Variants in GBE1 observed in about 807,000 individuals in gnomAD.
GBE1 encodes the protein 1,4-alpha-glucan branching enzyme 1, also known as 1,4-alpha-glucan-branching enzyme.
In GBE1, 70 loss-of-function variants were observed where a neutral mutation model predicts 88.8. That is an observed-to-expected ratio of 0.79 (90% confidence interval 0.65 to 0.96). GBE1 has a LOEUF of 0.96. Ranked by LOEUF, GBE1 falls within the 40% of genes least tolerant of loss-of-function variation. The pLI is 0.00. For missense variants in GBE1, 872 were observed against 871.0 expected (o/e 1.00, Z -0.01); for synonymous variants, 284 against 300.1 (o/e 0.95, Z 0.56).
intron 14 of GBE1, among the ~76,000 whole-genome samples, chr3:81,511,515 G>A (rs1702725264): frequency 6.6e-6 from 1 of 151,832 alleles, no homozygotes. Context: ...ATTAGAAAAT[G>A]GGCAAAAGAC....
chr3:81,530,203 C>T (rs1346755149), intron 14 of GBE1, among the ~76,000 whole-genome samples: 1 of 151,632 alleles, frequency 6.6e-6, no homozygotes, highest in Non-Finnish European at 1.5e-5. Flanking sequence ...TTAAATTCAT[C>T]TGATAGAATT....
At chr3:81,653,767 A>C (rs1704887040) in intron 3 of GBE1, among the ~76,000 whole-genome samples, 1 of 152,224 alleles carries the variant, frequency 6.6e-6, no homozygotes, top group Admixed American at 6.5e-5. Context: ...AAAAACTCAC[A>C]GCCTAAAGTA....
At chr3:81,702,562 C>T (rs1705715324) in intron 2 of GBE1, among the ~76,000 whole-genome samples, 1 of 151,856 alleles carries the variant, frequency 6.6e-6, no homozygotes, top group African/African-American at 2.4e-5. Context: ...AAAATAAAGG[C>T]CCACCGATTA....
intron 14 of GBE1, among the ~76,000 whole-genome samples, chr3:81,501,499 T>A (rs1279766723): frequency 6.6e-6 from 1 of 152,076 alleles, no homozygotes; most frequent in Non-Finnish European, 1.5e-5. Flanking sequence ...AAGTGGCATA[T>A]TTTGGGGTAG....
intron 1 of GBE1, among the ~76,000 whole-genome samples, chr3:81,716,138 A>G (rs1242024803): frequency 6.6e-6 from 1 of 152,170 alleles, no homozygotes. Flanking sequence ...TTAAGAAAAA[A>G]TTGTTAGTGT....
intron 1 of GBE1, among the ~76,000 whole-genome samples, chr3:81,737,375 A>T (rs1437109476): frequency 2.9e-4 from 10 of 35,004 alleles, no homozygotes; most frequent in African/African-American, 1.1e-3. Flanking sequence ...ATTTATATAT[A>T]TTTTTATATA....
intron 9 of GBE1, among the ~76,000 whole-genome samples, chr3:81,589,966 G>T (rs1232452425): frequency 6.6e-6 from 1 of 151,918 alleles, no homozygotes. Context: ...AAAATACTGG[G>T]TGTCTAAATT....
intron 1 of GBE1, among the ~76,000 whole-genome samples, chr3:81,713,913 C>A (rs1239194173): frequency 6.6e-6 from 1 of 152,040 alleles, no homozygotes. Flanking sequence ...ACTGTATATC[C>A]AGTACTATGC....
chr3:81,577,820 T>C (rs1472676438), intron 12 of GBE1, 105 bp downstream of exon 12: 1 of 880,482 alleles, frequency 1.1e-6, no homozygotes, highest in Non-Finnish European at 1.7e-6. Flanking sequence ...GTTGTAATTT[T>C]ATATTCTAAA....
At chr3:81,603,326 A>G (rs1423653669) in intron 7 of GBE1, among the ~76,000 whole-genome samples, 1 of 152,284 alleles carries the variant, frequency 6.6e-6, no homozygotes, top group Non-Finnish European at 1.5e-5. Flanking sequence ...AAAATTAAGC[A>G]TTTGTAATAT....
chr3:81,673,950 A>G (rs537384758), intron 2 of GBE1, among the ~76,000 whole-genome samples: 2 of 152,032 alleles, frequency 1.3e-5, no homozygotes, highest in East Asian at 1.9e-4. Flanking sequence ...AAAATCCAGT[A>G]CATTAGCCAT....
At chr3:81,612,972 G>A (rs1704202425) in intron 7 of GBE1, 1 of 417,830 alleles carries the variant, frequency 2.4e-6, no homozygotes, top group South Asian at 2.2e-5. Context: ...TGACGCAAAG[G>A]AGGAAGGATT....
chr3:81,609,119 T>G (rs531642876), intron 7 of GBE1, among the ~76,000 whole-genome samples: 2 of 152,312 alleles, frequency 1.3e-5, no homozygotes, highest in East Asian at 3.9e-4. Flanking sequence ...ATTTCTTTCC[T>G]CCTGGCATAA....
chr3:81,596,807 T>A (rs1703962910), intron 7 of GBE1, among the ~76,000 whole-genome samples: 1 of 151,918 alleles, frequency 6.6e-6, no homozygotes, highest in Non-Finnish European at 1.5e-5. Context: ...AGCAGTCACA[T>A]GGAGAATGAA....
At position 81,578,126 on chromosome 3, in the gene GBE1, GA is replaced by G. The variant is rs11376242; in HGVS notation, c.1447-31del. The G allele has an allele frequency of 1.8e-3, 2,521 of 1,385,816 alleles. No homozygotes were observed. Among genetic ancestry groups the G allele is most frequent in the Admixed American group, 4.1e-3 (154 of 37,150 alleles). The allele number at this position is 1,385,816 out of a possible 1,614,324, so 85.8% of individuals were successfully genotyped here. A position where few individuals can be genotyped will look rare whatever the true frequency, so the allele number is the denominator to read the frequency against. On this transcript the variant is annotated intron_variant, in intron 11 of 15. Transcript: ENST00000429644. ...AGAAATAAAAGTAATGGAGATAAAT[GA>G]AAAAAAAAAGTGCTAAGTAGTTGTG...
chr3:81,726,802 G>A (rs545000195), intron 1 of GBE1, among the ~76,000 whole-genome samples: 2 of 152,022 alleles, frequency 1.3e-5, no homozygotes, highest in East Asian at 1.9e-4. Flanking sequence ...GGCTGGTCTC[G>A]GACTCCTGAC....
chr3:81,712,485 C>T (rs1354544640), intron 1 of GBE1, among the ~76,000 whole-genome samples: 1 of 152,074 alleles, frequency 6.6e-6, no homozygotes, highest in Non-Finnish European at 1.5e-5. Context: ...AGGATGAGTT[C>T]GTGTCCCTTG....
At chr3:81,526,500 G>A (rs950060940) in intron 14 of GBE1, among the ~76,000 whole-genome samples, 4 of 152,096 alleles carry the variant, frequency 2.6e-5, no homozygotes, top group Non-Finnish European at 4.4e-5. Context: ...ATCTCCTGAA[G>A]CTGATAAGCA....
At chr3:81,707,443 T>C (rs1409516034) in intron 1 of GBE1, among the ~76,000 whole-genome samples, 3 of 151,982 alleles carry the variant, frequency 2.0e-5, no homozygotes, top group South Asian at 2.1e-4. Context: ...TTTTTCTAAA[T>C]GGCAATTAAA....
Sources: allele counts gnomAD v4.1 joint callset (sites outside exome capture counted in the v4.1 genomes callset), GRCh38; gene constraint gnomAD v4.1.1; transcripts MANE v1.5; gene names NCBI Gene and HGNC (gene_info 2026-07-23, HGNC 2026-07-21).